ATXN1: variants seen among roughly 807,000 people sequenced by gnomAD.
ATXN1 encodes ataxin 1.
ATXN1 carries 8 observed loss-of-function variants against 56.4 expected under a neutral mutation model. The ratio of observed to expected loss-of-function variants is 0.14; its 90% CI spans 0.08 to 0.26. The LOEUF is 0.26. Among genes scored for constraint, ATXN1 ranks in the 10% least tolerant of loss-of-function variants. The probability of loss-of-function intolerance (pLI) is 1.00; values close to 1 mark genes in which losing one functional copy is unlikely to be tolerated. For synonymous variants in ATXN1, 514 were observed against 494.6 expected (o/e 1.04, Z -0.52); for missense variants, 987 against 1,106.5 (o/e 0.89, Z 1.53).
intron 4 of ATXN1, among the ~76,000 whole-genome samples, chr6:16,559,094 T>C (rs1005047287): frequency 5.3e-5 from 8 of 152,330 alleles, no homozygotes; most frequent in Non-Finnish European, 7.3e-5. Context: ...ATAGTAGTTT[T>C]CACCTCTCAG....
intron 3 of ATXN1, among the ~76,000 whole-genome samples, chr6:16,621,920 T>C (rs773367488): frequency 3.9e-4 from 59 of 152,182 alleles, no homozygotes; most frequent in Non-Finnish European, 2.9e-4. Flanking sequence ...GCTGGGTAAA[T>C]GTGGGCGAGT....
intron 7 of ATXN1, among the ~76,000 whole-genome samples, chr6:16,322,890 G>C (rs1760708320): frequency 6.6e-6 from 1 of 152,218 alleles, no homozygotes. Context: ...GGTTGCGTCA[G>C]GCCTTGCACT....
intron 3 of ATXN1, among the ~76,000 whole-genome samples, chr6:16,593,706 C>G (rs1044910765): frequency 4.6e-5 from 7 of 151,902 alleles, no homozygotes; most frequent in Admixed American, 3.9e-4. Flanking sequence ...TCTTTTGTGA[C>G]TAGTTTTTTT....
chr6:16,420,797 G>A (rs953460298), intron 6 of ATXN1, among the ~76,000 whole-genome samples: 6 of 151,952 alleles, frequency 3.9e-5, no homozygotes, highest in South Asian at 2.1e-4. Flanking sequence ...TCTCATAACC[G>A]GGGCCTATAA....
rs186078251 is a variant in ATXN1, at chr6:16,350,972, A to C, written c.-160-22502T>G. On this transcript the variant is annotated intron_variant, in intron 6 of 7. Coordinates refer to ENST00000436367, the MANE Select transcript of ATXN1 (RefSeq NM_001128164.2). ...GGTGGTGCATGCTTGCAGTCCCAGC[A>C]ACTTGGGAGGCTGAGGTGGGAGGAT... Among the ~76,000 whole-genome samples, 246 of 152,256 alleles carry C rather than the reference A, an allele frequency of 1.6e-3. 1 individual carries two copies. Among genetic ancestry groups the C allele is most frequent in the Middle Eastern group, 3.4e-3 (1 of 294 alleles).
intron 3 of ATXN1, among the ~76,000 whole-genome samples, chr6:16,655,688 T>C (rs1324509931): frequency 2.0e-5 from 3 of 150,846 alleles, no homozygotes; most frequent in Non-Finnish European, 1.5e-5. Context: ...AGAAACCCCG[T>C]CTCAAATAAA....
intron 2 of ATXN1, among the ~76,000 whole-genome samples, chr6:16,743,776 A>C: frequency 6.6e-6 from 1 of 152,194 alleles, no homozygotes; most frequent in East Asian, 1.9e-4. Context: ...GTGCAGAGAG[A>C]GGAGCTGGGT....
chr6:16,460,587 C>A (rs192603236), intron 6 of ATXN1, among the ~76,000 whole-genome samples: 1 of 152,220 alleles, frequency 6.6e-6, no homozygotes, highest in African/African-American at 2.4e-5. Flanking sequence ...GAAATACACA[C>A]GTGTGCAGCC....
chr6:16,405,867 G>A (rs1340675371), intron 6 of ATXN1, among the ~76,000 whole-genome samples: 9 of 152,032 alleles, frequency 5.9e-5, no homozygotes, highest in Non-Finnish European at 7.4e-5. Flanking sequence ...AAGAAAAGTC[G>A]GGAAATGGAA....
At chr6:16,616,338 G>A (rs1204835126) in intron 3 of ATXN1, among the ~76,000 whole-genome samples, 1 of 151,644 alleles carries the variant, frequency 6.6e-6, no homozygotes, top group East Asian at 1.9e-4. Context: ...TCAGGGGTTT[G>A]AGACCAGCCT....
chr6:16,500,552 A>G (rs1760863096), intron 5 of ATXN1, among the ~76,000 whole-genome samples: 1 of 152,088 alleles, frequency 6.6e-6, no homozygotes, highest in Non-Finnish European at 1.5e-5. Context: ...TATTGTATGC[A>G]TGTGGGTGTG....
At chr6:16,394,958 G>A (rs754805487) in intron 6 of ATXN1, among the ~76,000 whole-genome samples, 2 of 152,140 alleles carry the variant, frequency 1.3e-5, no homozygotes, top group Non-Finnish European at 2.9e-5. Context: ...AAGCTTGACA[G>A]CCAAGCGTTC....
chr6:16,669,745 A>G (rs1758502756), intron 2 of ATXN1, among the ~76,000 whole-genome samples: 2 of 148,150 alleles, frequency 1.3e-5, no homozygotes, highest in South Asian at 4.2e-4. Flanking sequence ...ATAAGTATAC[A>G]TGTATCACGG....
intron 2 of ATXN1, among the ~76,000 whole-genome samples, chr6:16,731,243 T>A (rs922133846): frequency 3.9e-5 from 6 of 151,936 alleles, no homozygotes; most frequent in African/African-American, 1.2e-4. Context: ...TACACTAAAC[T>A]GCACTAGACC....
chr6:16,299,448 A>G lies in ATXN1; in HGVS notation c.*6881T>C, dbSNP rs1391209640. The G allele has an allele frequency of 6.5e-6, 1 of 152,674 alleles. No homozygotes were observed. Among genetic ancestry groups the G allele is most frequent in the Non-Finnish European group, 1.5e-5 (1 of 68,046 alleles). 9.5% of individuals were successfully genotyped at this position (152,674 alleles called of 1,614,324 possible). A position where few individuals can be genotyped will look rare whatever the true frequency, so the allele number is the denominator to read the frequency against. On this transcript the variant is annotated 3_prime_UTR_variant, in exon 8 of 8. Coordinates refer to ENST00000436367, the MANE Select transcript of ATXN1 (RefSeq NM_001128164.2). ...TACAGAGAGTATGCACGCATATGGA[A>G]AAAAGTTCTCCTGTCACAATAAAAG...
intron 4 of ATXN1, among the ~76,000 whole-genome samples, chr6:16,568,447 C>A (rs1256181744): frequency 6.6e-6 from 1 of 152,160 alleles, no homozygotes; most frequent in East Asian, 1.9e-4. Context: ...ACAGAAAGTT[C>A]ATTTGTAAGT....
chr6:16,551,751 G>A (rs546624387), intron 4 of ATXN1, among the ~76,000 whole-genome samples: 67 of 152,146 alleles, frequency 4.4e-4, no homozygotes, highest in African/African-American at 1.6e-3. Flanking sequence ...CCTGCTGCAC[G>A]TCTCTACACA....
At chr6:16,438,496 A>T (rs1252259541) in intron 6 of ATXN1, among the ~76,000 whole-genome samples, 1 of 152,220 alleles carries the variant, frequency 6.6e-6, no homozygotes, top group Non-Finnish European at 1.5e-5. Context: ...GAGAAAGGTA[A>T]AGGTGATGTT....
chr6:16,570,567 C>T (rs1316915914), intron 4 of ATXN1, among the ~76,000 whole-genome samples: 1 of 152,126 alleles, frequency 6.6e-6, no homozygotes, highest in East Asian at 1.9e-4. Context: ...TAACTAAATC[C>T]ATGGAAGTGG....
Sources: gnomAD v4.1 joint callset for allele counts (sites outside exome capture counted in the v4.1 genomes callset) on GRCh38, gnomAD v4.1.1 for gene constraint, MANE v1.5 for transcripts, NCBI Gene and HGNC (gene_info 2026-07-23, HGNC 2026-07-21) for gene names.